AGBL1: variants seen among roughly 807,000 people sequenced by gnomAD.
The protein encoded by AGBL1 is AGBL carboxypeptidase 1, also known as cytosolic carboxypeptidase 4.
AGBL1 carries 130 observed loss-of-function variants against 118.9 expected under a neutral mutation model. The observed-to-expected ratio is 1.09, with a 90% CI of 0.95 to 1.26. The LOEUF (loss-of-function observed/expected upper bound fraction) is 1.26, where lower values mean the gene tolerates loss of function less well. Ranked by LOEUF, AGBL1 falls within the 50% of genes most tolerant of loss-of-function variation. The pLI is 0.00. For synonymous variants in AGBL1, 555 were observed against 478.9 expected (o/e 1.16, Z -2.08); for missense variants, 1,584 against 1,298.1 (o/e 1.22, Z -3.38).
chr15:86,213,512 T>G (rs1886938416), intron 5 of AGBL1, among the ~76,000 whole-genome samples: 1 of 152,134 alleles, frequency 6.6e-6, no homozygotes, highest in South Asian at 2.1e-4. Context: ...AAACTCTGTG[T>G]TTTAACAAGC....
At position 87,022,049 on chromosome 15, in the gene AGBL1, A is replaced by G. The variant is rs186721616; in HGVS notation, c.3324-6776A>G. Among the ~76,000 whole-genome samples the G allele has an allele frequency of 1.8e-3, 270 of 152,206 alleles. 1 individual carries two copies. The highest frequency in any genetic ancestry group is 6.3e-3 in the African/African-American group (263 of 41,572). On this transcript the variant is annotated intron_variant, in intron 24 of 24. Transcript: ENST00000441037. ...GGCTAGATCCAGAAGAAAGATAACA[A>G]TCACTACAGCTATTCTCTCAGGAAG...
intron 5 of AGBL1, among the ~76,000 whole-genome samples, chr15:86,203,019 G>A (rs2077932625): frequency 6.6e-6 from 1 of 152,072 alleles, no homozygotes; most frequent in Admixed American, 6.5e-5. Flanking sequence ...AGGAGTTCAA[G>A]GCTGCAGTGA....
At chr15:86,204,753 C>A (rs1408608604) in intron 5 of AGBL1, among the ~76,000 whole-genome samples, 1 of 152,098 alleles carries the variant, frequency 6.6e-6, no homozygotes, top group Non-Finnish European at 1.5e-5. Context: ...CCATGCCCAG[C>A]TAATTTTTGC....
chr15:86,812,154 C>G (rs1262178558), intron 22 of AGBL1, among the ~76,000 whole-genome samples: 1 of 152,162 alleles, frequency 6.6e-6, no homozygotes, highest in East Asian at 1.9e-4. Flanking sequence ...TGTGCGCTTA[C>G]TTTTTATTTT....
intron 22 of AGBL1, among the ~76,000 whole-genome samples, chr15:86,883,487 A>T (rs920133909): frequency 2.9e-4 from 44 of 152,302 alleles, no homozygotes; most frequent in African/African-American, 8.4e-4. Context: ...AGAAAATCTC[A>T]CGTGTTCCTC....
chr15:86,079,775 A>G (rs973178151), upstream of AGBL1: 1 of 385,818 alleles, frequency 2.6e-6, no homozygotes, highest in Non-Finnish European at 4.6e-6. Flanking sequence ...TAATCCCCAC[A>G]GTGGGAGTCG....
chr15:86,511,068 T>C (rs2083047429), intron 18 of AGBL1, among the ~76,000 whole-genome samples: 1 of 152,096 alleles, frequency 6.6e-6, no homozygotes, highest in South Asian at 2.1e-4. Flanking sequence ...ATAGTAGGTG[T>C]TCTAGTTGAA....
intron 22 of AGBL1, among the ~76,000 whole-genome samples, chr15:86,855,736 A>T (rs984298981): frequency 3.9e-5 from 6 of 152,236 alleles, no homozygotes; most frequent in African/African-American, 1.2e-4. Flanking sequence ...AGATCCCGTC[A>T]TCTTCCTGTG....
rs555208188 is a variant in AGBL1, at chr15:87,009,884, A to G, written c.3324-18941A>G. Among the ~76,000 whole-genome samples, 12 of 152,322 alleles carry G rather than the reference A, an allele frequency of 7.9e-5. No homozygotes were observed. The East Asian group carries it at 2.1e-3, about 27-fold the overall frequency. The stretch of plus-strand genomic sequence containing the variant: ...CATTTGAAATGGCCGTATTTACCCA[A>G]TGCCTACACCCCTATTTTATCAAGG... On this transcript the variant is annotated intron_variant, in intron 24 of 24. Coordinates refer to the AGBL1 transcript ENST00000441037.
At chr15:87,014,083 C>T (rs569445329) in intron 24 of AGBL1, among the ~76,000 whole-genome samples, 2 of 152,202 alleles carry the variant, frequency 1.3e-5, no homozygotes, top group African/African-American at 4.8e-5. Context: ...CTTATTATTT[C>T]TTGTATTAAT....
intron 18 of AGBL1, among the ~76,000 whole-genome samples, chr15:86,453,080 G>A (rs112709182): frequency 5.3e-5 from 8 of 152,098 alleles, no homozygotes; most frequent in African/African-American, 1.7e-4. Context: ...ATTGTGTTTC[G>A]CCCTTTTCTC....
intron 22 of AGBL1, among the ~76,000 whole-genome samples, chr15:86,782,367 T>G (rs1431791214): frequency 1.3e-5 from 2 of 152,192 alleles, no homozygotes; most frequent in Non-Finnish European, 2.9e-5. Flanking sequence ...AGATATATAT[T>G]ATTCCCTTGC....
intron 1 of AGBL1, among the ~76,000 whole-genome samples, chr15:86,113,794 G>A (rs4887287): frequency 0.67 from 101,581 of 152,070 alleles, 34,632 homozygotes; most frequent in African/African-American, 0.77. Flanking sequence ...CAATAGTACC[G>A]TTTTACTACT....
At chr15:86,334,148 C>G (rs986452391) in intron 17 of AGBL1, among the ~76,000 whole-genome samples, 3 of 152,144 alleles carry the variant, frequency 2.0e-5, no homozygotes, top group Non-Finnish European at 2.9e-5. Context: ...CTCACCACTC[C>G]TATTCAACAT....
chr15:86,646,408 C>G (rs917221868), intron 21 of AGBL1, among the ~76,000 whole-genome samples: 1 of 152,094 alleles, frequency 6.6e-6, no homozygotes, highest in African/African-American at 2.4e-5. Context: ...GAGTGCTTTC[C>G]AGTCTCATTT....
intron 22 of AGBL1, among the ~76,000 whole-genome samples, chr15:86,741,818 C>G (rs1170652149): frequency 6.6e-6 from 1 of 151,930 alleles, no homozygotes; most frequent in Non-Finnish European, 1.5e-5. Flanking sequence ...ATCTGCAAAA[C>G]AAAAGGACAA....
At chr15:87,000,826 C>T (rs766592684) in intron 24 of AGBL1, among the ~76,000 whole-genome samples, 1 of 146,918 alleles carries the variant, frequency 6.8e-6, no homozygotes, top group African/African-American at 2.5e-5. Flanking sequence ...GGCAGTATGG[C>T]CACTTTCACG....
chr15:86,734,171 C>A (rs1451619806), intron 22 of AGBL1, among the ~76,000 whole-genome samples: 1 of 152,158 alleles, frequency 6.6e-6, no homozygotes, highest in South Asian at 2.1e-4. Flanking sequence ...TGACCCAAGG[C>A]ACTTACGTTC....
chr15:86,368,486 A>C (rs2080924617), intron 17 of AGBL1, among the ~76,000 whole-genome samples: 1 of 152,228 alleles, frequency 6.6e-6, no homozygotes, highest in Admixed American at 6.5e-5. Context: ...CAAAGTGACA[A>C]ATGAAGAAAT....
Sources: gnomAD v4.1 joint callset for allele counts (sites outside exome capture counted in the v4.1 genomes callset) on GRCh38, gnomAD v4.1.1 for gene constraint, MANE v1.5 for transcripts, NCBI Gene and HGNC (gene_info 2026-07-23, HGNC 2026-07-21) for gene names.